The following CORIN variants were observed in gnomAD, a reference collection of about 807,000 sequenced individuals.
CORIN encodes the protein atrial natriuretic peptide-converting enzyme.
A neutral mutation model predicts 125.3 loss-of-function variants in CORIN; 117 were observed. That is an observed-to-expected ratio of 0.93 (90% CI 0.80 to 1.09). The LOEUF (loss-of-function observed/expected upper bound fraction) is 1.09. CORIN is among the 50% of genes least tolerant of loss of function. CORIN has a pLI of 0.00. For missense variants in CORIN, 1,253 were observed against 1,306.7 expected (o/e 0.96, Z 0.63); for synonymous variants, 450 against 466.4 (o/e 0.96, Z 0.45).
intron 4 of CORIN, among the ~76,000 whole-genome samples, chr4:47,757,900 A>ATATATGTATATATATATATATATATATG (rs1553916104): frequency 6.2e-5 from 9 of 144,238 alleles, no homozygotes; most frequent in Non-Finnish European, 1.4e-4. Flanking sequence ...ATATATATAT[A>ATATATGTATATATATATATATATATATG]TATATACACA....
intron 5 of CORIN, among the ~76,000 whole-genome samples, chr4:47,738,956 CT>C: frequency 6.6e-6 from 1 of 151,752 alleles, no homozygotes; most frequent in Non-Finnish European, 1.5e-5. Context: ...TAACAGCAGA[CT>C]TGATCAGGCA....
chr4:47,797,904 T>C (rs965916515), intron 2 of CORIN, among the ~76,000 whole-genome samples: 1 of 152,116 alleles, frequency 6.6e-6, no homozygotes, highest in African/African-American at 2.4e-5. Context: ...AAGCCAGACT[T>C]TCTAGTGCCA....
rs114665502 is a variant in CORIN, at chr4:47,780,806, C to T, written c.409+5919G>A. On this transcript the variant is annotated intron_variant, in intron 3 of 21. Coordinates refer to ENST00000273857, the MANE Select transcript of CORIN (RefSeq NM_006587.4). The stretch of plus-strand genomic sequence containing the variant: ...GTTTTTGTTTGTTATTGAAGTTAAA[C>T]TGGTATAAATTCAAGTTAGAGTGCT... Among the ~76,000 whole-genome samples the T allele has an allele frequency of 8.8e-3, 1,343 of 152,052 alleles. 25 individuals carry two copies. Among genetic ancestry groups the T allele is most frequent in the African/African-American group, 0.03 (1,265 of 41,476 alleles).
intron 13 of CORIN, among the ~76,000 whole-genome samples, chr4:47,648,063 T>C (rs573629403): frequency 2.0e-5 from 3 of 152,222 alleles, no homozygotes; most frequent in African/African-American, 7.2e-5. Context: ...AGAAGTAGGA[T>C]AAAAAGAGAG....
intron 11 of CORIN, among the ~76,000 whole-genome samples, chr4:47,663,764 G>T (rs1188884615): frequency 6.6e-6 from 1 of 152,138 alleles, no homozygotes; most frequent in East Asian, 1.9e-4. Flanking sequence ...TTGCAAAAGT[G>T]AAGTAAGATT....
intron 5 of CORIN, among the ~76,000 whole-genome samples, chr4:47,729,899 G>A (rs1025195201): frequency 6.6e-6 from 1 of 152,134 alleles, no homozygotes; most frequent in African/African-American, 2.4e-5. Flanking sequence ...GGAGTTCAGC[G>A]GAGAAGTCTG....
intron 5 of CORIN, among the ~76,000 whole-genome samples, chr4:47,718,422 T>C (rs144514669): frequency 3.9e-5 from 6 of 152,348 alleles, no homozygotes; most frequent in African/African-American, 1.4e-4. Flanking sequence ...ATAATAATTA[T>C]GTAACTATTA....
intron 2 of CORIN, among the ~76,000 whole-genome samples, chr4:47,804,002 T>G (rs1731657511): frequency 6.6e-6 from 1 of 152,198 alleles, no homozygotes; most frequent in Non-Finnish European, 1.5e-5. Flanking sequence ...TCAAACAACT[T>G]TCTTTTAAAA....
At chr4:47,709,282 T>C (rs1726727397) in intron 5 of CORIN, among the ~76,000 whole-genome samples, 1 of 151,154 alleles carries the variant, frequency 6.6e-6, no homozygotes. Context: ...TTTATTTATT[T>C]ATTTATTTAT....
intron 13 of CORIN, among the ~76,000 whole-genome samples, chr4:47,646,233 A>G (rs550881449): frequency 2.7e-4 from 41 of 152,324 alleles, no homozygotes; most frequent in Non-Finnish European, 5.6e-4. Context: ...CTAAATGCAT[A>G]TCACCTTAAA....
intron 12 of CORIN, among the ~76,000 whole-genome samples, chr4:47,661,136 G>A (rs1724231000): frequency 6.6e-6 from 1 of 152,150 alleles, no homozygotes; most frequent in Admixed American, 6.5e-5. Context: ...TAACACAATT[G>A]AAGTCATGGT....
intron 10 of CORIN, among the ~76,000 whole-genome samples, chr4:47,674,189 A>G (rs1724900791): frequency 6.6e-6 from 1 of 152,224 alleles, no homozygotes; most frequent in South Asian, 2.1e-4. Flanking sequence ...GGCGTTCGCA[A>G]TGACACATTT....
At chr4:47,712,018 A>T (rs1384622671) in intron 5 of CORIN, among the ~76,000 whole-genome samples, 2 of 152,254 alleles carry the variant, frequency 1.3e-5, no homozygotes, top group African/African-American at 4.8e-5. Flanking sequence ...ATAACTTTGA[A>T]ATGCAGCCAA....
chr4:47,816,992 A>G (rs1201997626), intron 1 of CORIN, among the ~76,000 whole-genome samples: 2 of 152,172 alleles, frequency 1.3e-5, no homozygotes, highest in Non-Finnish European at 2.9e-5. Flanking sequence ...CGGTGTGGTC[A>G]GCTTGACTCT....
intron 16 of CORIN, 46 bp from the exon 17 acceptor site, chr4:47,626,567 T>C (rs769256321): frequency 3.5e-6 from 4 of 1,138,946 alleles, no homozygotes; most frequent in Non-Finnish European, 5.4e-6. Context: ...TACAATGATC[T>C]TTGAACAGGC....
At chr4:47,728,290 A>G (rs991933945) in intron 5 of CORIN, among the ~76,000 whole-genome samples, 1 of 152,208 alleles carries the variant, frequency 6.6e-6, no homozygotes, top group Non-Finnish European at 1.5e-5. Context: ...GAGAATATCA[A>G]AAAGAACTGA....
At chr4:47,824,597 C>T (rs1732660886) in intron 1 of CORIN, among the ~76,000 whole-genome samples, 1 of 152,200 alleles carries the variant, frequency 6.6e-6, no homozygotes, top group Non-Finnish European at 1.5e-5. Flanking sequence ...GCTGGGATTA[C>T]AGCCATGAGC....
intron 17 of CORIN, among the ~76,000 whole-genome samples, chr4:47,624,900 A>G (rs1577750246): frequency 6.6e-6 from 1 of 152,058 alleles, no homozygotes; most frequent in East Asian, 1.9e-4. Flanking sequence ...ATGCAACCCT[A>G]AATATATAAT....
Position 47,662,078 on chromosome 4 carries a change from T to C in CORIN, c.1590-222A>G, listed in dbSNP as rs189956894. Among the ~76,000 whole-genome samples the C allele has an allele frequency of 2.0e-5, 3 of 152,324 alleles. No homozygotes were observed. In the East Asian group the frequency reaches 5.8e-4, roughly 29 times the overall value. ...GCACCACACTTTCACCAAAAGAAAC[T>C]TTATTGCAGAAATAGGTCTAAAGAT... On this transcript the variant is annotated intron_variant, in intron 11 of 21. Transcript: ENST00000273857.
Sources: allele counts gnomAD v4.1 joint callset (sites outside exome capture counted in the v4.1 genomes callset), GRCh38; gene constraint gnomAD v4.1.1; transcripts MANE v1.5; gene names NCBI Gene and HGNC (gene_info 2026-07-23, HGNC 2026-07-21).